Variants in CCDC85C observed in about 807,000 individuals in gnomAD.
The protein encoded by CCDC85C is coiled-coil domain-containing protein 85C.
Under a neutral mutation model 38.3 loss-of-function variants are expected in CCDC85C, and 18 were observed. That is an observed-to-expected ratio of 0.47 (90% CI 0.33 to 0.70). The LOEUF (loss-of-function observed/expected upper bound fraction) is 0.70. Among genes scored for constraint, CCDC85C ranks in the 30% least tolerant of loss-of-function variants. The pLI is 0.03. For missense variants in CCDC85C, 566 were observed against 621.2 expected (o/e 0.91, Z 0.94); for synonymous variants, 264 against 293.8 (o/e 0.90, Z 1.04).
intron 2 of CCDC85C, chr14:99,534,915 A>T: frequency 3.2e-5 from 17 of 539,216 alleles, no homozygotes; most frequent in East Asian, 6.4e-5. Context: ...GGTGGTGGGG[A>T]GTGGGGGGCG....
Position 99,517,139 on chromosome 14 carries a change from A to G in CCDC85C, c.1020T>C (p.Ala340=), listed in dbSNP as rs1897238873. 1.3e-6 allele frequency: 2 copies of G among 1,550,126 alleles called. No homozygotes were observed. The highest frequency in any genetic ancestry group is 8.7e-7 in the Non-Finnish European group (1 of 1,146,786). The change falls in exon 4 of 6, where the codon GCT becomes GCC. Residue 340 remains alanine (A), a synonymous_variant. Coordinates refer to ENST00000380243, the MANE Select transcript of CCDC85C (RefSeq NM_001144995.2). ...GCTTCTGTCCTGCAGGGCTGTAGCC[A>G]GCAGAGGGGGGCGAGGGCAGCTCAG... is the stretch of plus-strand genomic sequence containing the variant. ...PAPELPSPPS[A]GYSPAGQKPE...
chr14:99,577,091 C>A (rs947154819), intron 1 of CCDC85C, among the ~76,000 whole-genome samples: 1 of 151,964 alleles, frequency 6.6e-6, no homozygotes, highest in Non-Finnish European at 1.5e-5. Flanking sequence ...TGGAGCTGGG[C>A]CAGTTCCAAA....
chr14:99,518,415 C>T (rs1434019493), intron 3 of CCDC85C, among the ~76,000 whole-genome samples: 5 of 152,160 alleles, frequency 3.3e-5, no homozygotes, highest in African/African-American at 9.7e-5. Flanking sequence ...AGGTGGGGCT[C>T]AACCCACGCT....
Position 99,535,440 on chromosome 14 carries a change from A to G in CCDC85C, c.867+575T>C, listed in dbSNP as rs888852394. Among the ~76,000 whole-genome samples, 1 of 152,090 alleles carries G rather than the reference A, an allele frequency of 6.6e-6. No individual in the cohort carries two copies. The highest frequency in any genetic ancestry group is 2.4e-5 in the African/African-American group (1 of 41,402). On this transcript the variant is annotated intron_variant, in intron 2 of 5. Coordinates refer to ENST00000380243, the MANE Select transcript of CCDC85C (RefSeq NM_001144995.2). The surrounding 1 kb of genome is among the most constrained non-coding windows in gnomAD (Gnocchi z 5.5). ...CAGCAGGGAAAGCCCTTGTCCTGGC[A>G]GTCACACGTCCCCTCCAAGCTCCAG...
intron 1 of CCDC85C, among the ~76,000 whole-genome samples, chr14:99,590,184 T>A (rs570797425): frequency 6.6e-6 from 1 of 151,980 alleles, no homozygotes. Context: ...GTGGGGAGCA[T>A]CCCAAGGCCT....
intron 1 of CCDC85C, among the ~76,000 whole-genome samples, chr14:99,590,623 A>G (rs1283635306): frequency 6.6e-6 from 1 of 152,170 alleles, no homozygotes; most frequent in Non-Finnish European, 1.5e-5. Context: ...AAAGAAAAAA[A>G]GAAACCAGAA....
chr14:99,567,324 C>G (rs1032867328), intron 1 of CCDC85C, among the ~76,000 whole-genome samples: 1 of 152,350 alleles, frequency 6.6e-6, no homozygotes, highest in South Asian at 2.1e-4. Flanking sequence ...GATGGGACTT[C>G]TGGTCGCCCC....
In CCDC85C at chr14:99,535,467, C is replaced by T. The variant is rs1283682015; in HGVS notation, c.867+548G>A. On this transcript the variant is annotated intron_variant, in intron 2 of 5. Transcript: ENST00000380243. The surrounding 1 kb of genome is among the most constrained non-coding windows in gnomAD (Gnocchi z 5.5). ...TCACACGTCCCCTCCAAGCTCCAGC[C>T]ACACTCAAGAGGCACAGCCCCTCAC... Among the ~76,000 whole-genome samples, 1 of 152,140 alleles carries T rather than the reference C, an allele frequency of 6.6e-6. No homozygotes were observed. Among genetic ancestry groups the T allele is most frequent in the Non-Finnish European group, 1.5e-5 (1 of 68,022 alleles).
intron 2 of CCDC85C, among the ~76,000 whole-genome samples, chr14:99,526,244 G>C (rs1229104253): frequency 2.0e-5 from 3 of 152,224 alleles, no homozygotes; most frequent in African/African-American, 7.2e-5. Flanking sequence ...GCCGTCTGCA[G>C]GGAGGGGCCT....
In CCDC85C at chr14:99,572,823, G is replaced by T; in HGVS notation, c.793+30344C>A. The stretch of plus-strand genomic sequence containing the variant: ...TTCATGGAAGTATCCCAGGAGCATG[G>T]AAACGGGGCCTGGTGTGCAACAGGT... On this transcript the variant is annotated intron_variant, in intron 1 of 5. Transcript: ENST00000380243. The surrounding 1 kb of genome is among the most constrained non-coding windows in gnomAD (Gnocchi z 4.4). The T allele has an allele frequency of 2.2e-6, 1 of 456,120 alleles. No individual in the cohort carries two copies. Among genetic ancestry groups the T allele is most frequent in the Non-Finnish European group, 4.4e-6 (1 of 226,804 alleles). The allele number at this position is 456,120 out of a possible 1,614,324, so 28.3% of individuals were successfully genotyped here.
In CCDC85C at chr14:99,537,903, C is replaced by A. The variant is rs142845139; in HGVS notation, c.794-1815G>T. Among the ~76,000 whole-genome samples, 69 of 152,308 alleles carry A rather than the reference C, an allele frequency of 4.5e-4. No individual in the cohort carries two copies. The East Asian group carries it at 0.01, about 23-fold the overall frequency. On this transcript the variant is annotated intron_variant, in intron 1 of 5. Coordinates refer to ENST00000380243, the MANE Select transcript of CCDC85C (RefSeq NM_001144995.2). ...ATGGGGAGGTAGGGTGCAGCCTAGG[C>A]TCCCCAAACCTTCATGTCCTGTACC... is the stretch of plus-strand genomic sequence containing the variant.
rs72706305 is a variant in CCDC85C at position 99,537,031 on chromosome 14, G to C, written c.794-943C>G. On this transcript the variant is annotated intron_variant, in intron 1 of 5. Coordinates refer to ENST00000380243, the MANE Select transcript of CCDC85C (RefSeq NM_001144995.2). Reference sequence around the variant, plus strand: ...GCCGGGGGACCACCCAGCAACAGCAGGTTTGGAAGGAGGAGGCAAGGGGGA... The same window carrying C: ...GCCGGGGGACCACCCAGCAACAGCACGTTTGGAAGGAGGAGGCAAGGGGGA... Among the ~76,000 whole-genome samples, 692 of 152,262 alleles carry C rather than the reference G, an allele frequency of 4.5e-3. 2 individuals are homozygous for C. Among genetic ancestry groups the C allele is most frequent in the Non-Finnish European group, 8.0e-3 (541 of 68,000 alleles).
At chr14:99,522,420 T>C (rs375563218) in intron 2 of CCDC85C, 180 bp from the exon 3 acceptor site, 2 of 538,278 alleles carry the variant, frequency 3.7e-6, no homozygotes, top group African/African-American at 1.9e-5. Flanking sequence ...ATCTTCACTC[T>C]CCCCAGCTCA....
chr14:99,524,758 A>G, intron 2 of CCDC85C, among the ~76,000 whole-genome samples: 1 of 152,166 alleles, frequency 6.6e-6, no homozygotes, highest in South Asian at 2.1e-4. Flanking sequence ...AGCTGAAATC[A>G]CCTGCTGGGC....
At chr14:99,602,866 G>A (rs1004592965) in intron 1 of CCDC85C, among the ~76,000 whole-genome samples, 1 of 152,216 alleles carries the variant, frequency 6.6e-6, no homozygotes, top group Non-Finnish European at 1.5e-5. Flanking sequence ...CCCACCGCCA[G>A]CCCAGCAGTG....
intron 2 of CCDC85C, among the ~76,000 whole-genome samples, chr14:99,532,632 C>A (rs2139913909): frequency 6.6e-6 from 1 of 152,264 alleles, no homozygotes; most frequent in South Asian, 2.1e-4. Context: ...AGGCTTGGGA[C>A]CCACTGCTGC....
chr14:99,534,443 T>C (rs1242077182), intron 2 of CCDC85C, among the ~76,000 whole-genome samples: 1 of 151,500 alleles, frequency 6.6e-6, no homozygotes, highest in African/African-American at 2.4e-5. Flanking sequence ...ACAGGAACAA[T>C]GAGACAAAGA....
chr14:99,554,959 G>C (rs563707480), intron 1 of CCDC85C, among the ~76,000 whole-genome samples: 1 of 152,200 alleles, frequency 6.6e-6, no homozygotes, highest in Non-Finnish European at 1.5e-5. Context: ...TAGGCCCATG[G>C]GGGCCTCAGG....
intron 1 of CCDC85C, among the ~76,000 whole-genome samples, chr14:99,582,039 C>G (rs967618709): frequency 1.3e-5 from 2 of 152,158 alleles, no homozygotes; most frequent in Non-Finnish European, 2.9e-5. Context: ...CCTTATGTGA[C>G]CTAGTCTGAG....
Sources: allele counts gnomAD v4.1 joint callset (sites outside exome capture counted in the v4.1 genomes callset), GRCh38; gene constraint gnomAD v4.1.1; non-coding constraint Gnocchi (gnomAD v3.1); transcripts MANE v1.5; gene names NCBI Gene and HGNC (gene_info 2026-07-23, HGNC 2026-07-21).